Variants in SLC8A1 observed in about 807,000 individuals in gnomAD.
SLC8A1 encodes the protein solute carrier family 8 member A1.
In SLC8A1, 18 loss-of-function variants were observed where a neutral mutation model predicts 68.3. That is an observed-to-expected ratio of 0.26 (90% CI 0.18 to 0.39). The LOEUF (loss-of-function observed/expected upper bound fraction) is 0.39, where lower values mean the gene tolerates loss of function less well. SLC8A1 is among the 10% of genes least tolerant of loss of function. SLC8A1 has a pLI of 1.00. For missense variants in SLC8A1, 985 were observed against 1,156.7 expected (o/e 0.85, Z 2.15); for synonymous variants, 475 against 415.5 (o/e 1.14, Z -1.74).
At chr2:40,181,873 A>G (rs1026688233) in intron 2 of SLC8A1, among the ~76,000 whole-genome samples, 1 of 152,226 alleles carries the variant, frequency 6.6e-6, no homozygotes, top group Admixed American at 6.5e-5. Context: ...CATGAAAGAT[A>G]CTGCTACCAC....
intron 2 of SLC8A1, among the ~76,000 whole-genome samples, chr2:40,354,481 AT>A (rs1672081808): frequency 2.0e-5 from 3 of 152,134 alleles, no homozygotes; most frequent in Non-Finnish European, 4.4e-5. Flanking sequence ...TGGTTGTGGC[AT>A]TTGTGTCAAT....
chr2:40,209,802 G>T (rs1003123765), intron 2 of SLC8A1, among the ~76,000 whole-genome samples: 2 of 152,124 alleles, frequency 1.3e-5, no homozygotes, highest in Non-Finnish European at 2.9e-5. Flanking sequence ...AAGATCATCA[G>T]CTGACAGTAA....
chr2:40,459,965 C>A (rs1248162949), intron 1 of SLC8A1, among the ~76,000 whole-genome samples: 1 of 152,148 alleles, frequency 6.6e-6, no homozygotes, highest in Non-Finnish European at 1.5e-5. Context: ...TGCAAATTTG[C>A]AAATACCCAT....
At chr2:40,269,789 T>A (rs1415260319) in intron 2 of SLC8A1, among the ~76,000 whole-genome samples, 1 of 152,106 alleles carries the variant, frequency 6.6e-6, no homozygotes, top group Non-Finnish European at 1.5e-5. Flanking sequence ...GTTGCTGTTT[T>A]TTTTTTCTAT....
At chr2:40,473,317 T>C (rs1704100717) in intron 1 of SLC8A1, among the ~76,000 whole-genome samples, 2 of 152,104 alleles carry the variant, frequency 1.3e-5, no homozygotes, top group African/African-American at 4.8e-5. Context: ...CCAAGTAAAA[T>C]TTTCCTAAAA....
Position 40,273,183 on chromosome 2 carries a change from C to T in SLC8A1, c.1809-95328G>A, listed in dbSNP as rs183414375. Among the ~76,000 whole-genome samples, 1,048 of 151,742 alleles carry T rather than the reference C, an allele frequency of 6.9e-3. 8 individuals are homozygous for T. Among genetic ancestry groups the T allele is most frequent in the African/African-American group, 0.023 (957 of 41,376 alleles). On this transcript the variant is annotated intron_variant, in intron 2 of 7. Transcript: ENST00000406785. The stretch of plus-strand genomic sequence containing the variant: ...GTCTCGAACTCCTGACCTCATGATC[C>T]GCCTGTCTTGGCCTCCCAAAGTGCT...
intron 2 of SLC8A1, among the ~76,000 whole-genome samples, chr2:40,408,781 A>G (rs1461769307): frequency 6.6e-6 from 1 of 152,204 alleles, no homozygotes; most frequent in Non-Finnish European, 1.5e-5. Context: ...ATTTAGTCAT[A>G]CAAATTTATT....
chr2:40,427,873 G>A (rs1697288512), intron 2 of SLC8A1, among the ~76,000 whole-genome samples: 1 of 152,142 alleles, frequency 6.6e-6, no homozygotes. Flanking sequence ...CCTTTCCCAT[G>A]TTGGCATAAC....
In SLC8A1 at chr2:40,289,336, G is replaced by C. The variant is rs115035737; in HGVS notation, c.1809-111481C>G. ...TTATTAGTTTATAGTACAATGCAAA[G>C]GGAAAAAATCCAACTTCTCTATTCA... On this transcript the variant is annotated intron_variant, in intron 2 of 7. Coordinates refer to ENST00000406785, the Ensembl canonical transcript of SLC8A1. Among the ~76,000 whole-genome samples, 720 of 152,046 alleles carry C rather than the reference G, an allele frequency of 4.7e-3. 8 individuals are homozygous for C. Among genetic ancestry groups the C allele is most frequent in the African/African-American group, 0.016 (684 of 41,480 alleles).
intron 2 of SLC8A1, among the ~76,000 whole-genome samples, chr2:40,387,860 C>G (rs1278891869): frequency 1.4e-5 from 2 of 148,026 alleles, no homozygotes; most frequent in Admixed American, 6.9e-5. Flanking sequence ...TTGTTTGAAC[C>G]TGGGAGGTGG....
Position 40,178,342 on chromosome 2 carries a change from G to C in SLC8A1, c.1809-487C>G, listed in dbSNP as rs1406921983. The C allele has an allele frequency of 4.1e-6, 6 of 1,470,716 alleles. No homozygotes were observed. The African/African-American group carries it at 8.3e-5, about 20-fold the overall frequency. 91.1% of individuals were successfully genotyped at this position (1,470,716 alleles called of 1,614,324 possible). A position where few individuals can be genotyped will look rare whatever the true frequency, so the allele number is the denominator to read the frequency against. ...AGTGCAGGCATCCAGGGGTGGCACA[G>C]GCCAGCAGAAGCTGTTGGGCTCAGC... is the stretch of plus-strand genomic sequence containing the variant. On this transcript the variant is annotated intron_variant, in intron 2 of 7. Coordinates refer to ENST00000406785, the Ensembl canonical transcript of SLC8A1.
At chr2:40,205,627 A>G (rs1178234607) in intron 2 of SLC8A1, among the ~76,000 whole-genome samples, 2 of 151,970 alleles carry the variant, frequency 1.3e-5, no homozygotes, top group African/African-American at 4.8e-5. Context: ...GAGGGGAACA[A>G]CACACACTGG....
In SLC8A1 at chr2:40,389,127, GA is replaced by G. The variant is rs1218818639; in HGVS notation, c.1808+39345del. Among the ~76,000 whole-genome samples the G allele has an allele frequency of 1.5e-4, 23 of 152,152 alleles. No individual in the cohort carries two copies. In the East Asian group the frequency reaches 4.1e-3, roughly 27 times the overall value. On this transcript the variant is annotated intron_variant, in intron 2 of 7. Transcript: ENST00000406785. ...TGTGTGTGTAAATAAAGTTCACAGGGATGGCCTGAAGCTTAACCTAAAATAT... is the reference window on the plus strand; with the variant it reads ...TGTGTGTGTAAATAAAGTTCACAGGGTGGCCTGAAGCTTAACCTAAAATAT...
chr2:40,413,275 T>C (rs1692750357), intron 2 of SLC8A1, among the ~76,000 whole-genome samples: 1 of 152,180 alleles, frequency 6.6e-6, no homozygotes, highest in Admixed American at 6.6e-5. Flanking sequence ...GGTTTATAAA[T>C]CATGCTGCTA....
chr2:40,329,060 TCACACACA>T (rs70957170), intron 2 of SLC8A1, among the ~76,000 whole-genome samples: 2,927 of 141,208 alleles, frequency 0.021, 66 homozygotes, highest in African/African-American at 0.056. Flanking sequence ...CACTACAACC[TCACACACA>T]CACACACACA....
chr2:40,503,268 C>A (rs1238128525), intron 1 of SLC8A1, among the ~76,000 whole-genome samples: 1 of 152,050 alleles, frequency 6.6e-6, no homozygotes, highest in Non-Finnish European at 1.5e-5. Context: ...CAACCCACAT[C>A]TCTACTGGTC....
At chr2:40,468,117 A>G (rs1400750511) in intron 1 of SLC8A1, among the ~76,000 whole-genome samples, 2 of 152,058 alleles carry the variant, frequency 1.3e-5, no homozygotes, top group African/African-American at 4.8e-5. Context: ...ATACCCATTT[A>G]TTTTAATTTG....
chr2:40,447,454 C>T (rs753291391), intron 1 of SLC8A1, among the ~76,000 whole-genome samples: 3 of 152,036 alleles, frequency 2.0e-5, no homozygotes, highest in African/African-American at 4.8e-5. Flanking sequence ...CCCAAACTTC[C>T]CCACCAAAAT....
intron 2 of SLC8A1, among the ~76,000 whole-genome samples, chr2:40,393,000 G>C (rs942260180): frequency 2.0e-5 from 3 of 152,056 alleles, no homozygotes; most frequent in Non-Finnish European, 2.9e-5. Flanking sequence ...CAAAAGAGGA[G>C]CAGGAGAAAT....
Sources: allele counts gnomAD v4.1 joint callset (sites outside exome capture counted in the v4.1 genomes callset), GRCh38; gene constraint gnomAD v4.1.1; transcripts MANE v1.5; gene names NCBI Gene and HGNC (gene_info 2026-07-23, HGNC 2026-07-21).